Variants in THRB observed in about 807,000 individuals in gnomAD.
THRB encodes thyroid hormone receptor beta, also known as nuclear receptor subfamily 1 group A member 2.
In THRB, 12 loss-of-function variants were observed where a neutral mutation model predicts 47.8. The ratio of observed to expected loss-of-function variants is 0.25; its 90% CI spans 0.16 to 0.41. THRB has a LOEUF of 0.41. Ranked by LOEUF, THRB falls within the 10% of genes least tolerant of loss-of-function variation. THRB has a pLI of 1.00. For missense variants in THRB, 348 were observed against 589.2 expected (o/e 0.59, Z 4.24); for synonymous variants, 218 against 212.2 (o/e 1.03, Z -0.24).
chr3:24,394,440 T>C (rs2066801385), intron 1 of THRB, among the ~76,000 whole-genome samples: 1 of 152,104 alleles, frequency 6.6e-6, no homozygotes, highest in African/African-American at 2.4e-5. Context: ...GTTTCCCTAC[T>C]TCCTGGGGAA....
intron 3 of THRB, among the ~76,000 whole-genome samples, chr3:24,254,482 CA>C (rs1576335902): frequency 6.6e-6 from 1 of 151,924 alleles, no homozygotes; most frequent in Non-Finnish European, 1.5e-5. Flanking sequence ...AAGGTAGTCC[CA>C]AAAGAGTGGC....
At chr3:24,424,508 C>A (rs574816187) in intron 1 of THRB, among the ~76,000 whole-genome samples, 13 of 152,068 alleles carry the variant, frequency 8.5e-5, no homozygotes, top group African/African-American at 2.9e-4. Context: ...CCCAGACCTA[C>A]TGAATCAGAA....
At chr3:24,197,512 T>C (rs765808027) in intron 4 of THRB, among the ~76,000 whole-genome samples, 18 of 152,214 alleles carry the variant, frequency 1.2e-4, no homozygotes, top group Non-Finnish European at 1.8e-4. Flanking sequence ...ATGTAAATGG[T>C]ACATGCGCCC....
At chr3:24,282,922 C>A (rs931492734) in intron 3 of THRB, among the ~76,000 whole-genome samples, 1 of 151,892 alleles carries the variant, frequency 6.6e-6, no homozygotes, top group African/African-American at 2.4e-5. Context: ...ATAACAGGAT[C>A]TGAAATTGTG....
At chr3:24,233,202 A>C (rs1441489963) in intron 3 of THRB, among the ~76,000 whole-genome samples, 2 of 152,202 alleles carry the variant, frequency 1.3e-5, no homozygotes, top group Admixed American at 1.3e-4. Flanking sequence ...CTGAAAAGTA[A>C]ATGGAATTAT....
In THRB at chr3:24,278,360, T is replaced by G. The variant is rs149569435; in HGVS notation, c.-43+18866A>C. Among the ~76,000 whole-genome samples, 296 of 152,336 alleles carry G rather than the reference T, an allele frequency of 1.9e-3. 1 individual carries two copies. The highest frequency in any genetic ancestry group is 6.8e-3 in the African/African-American group (283 of 41,588). On this transcript the variant is annotated intron_variant, in intron 3 of 10. Coordinates refer to ENST00000646209, the MANE Select transcript of THRB (RefSeq NM_001354712.2). ...CAGTGTTAAAATTGGTAAGACTTGC[T>G]GAGAAGTTATGTAATATATTAAAAA...
chr3:24,418,158 C>T (rs988400954), intron 1 of THRB, among the ~76,000 whole-genome samples: 1 of 151,632 alleles, frequency 6.6e-6, no homozygotes, highest in Non-Finnish European at 1.5e-5. Context: ...TTCAACCTTT[C>T]AGCTCTTGTT....
intron 1 of THRB, among the ~76,000 whole-genome samples, chr3:24,450,906 T>C (rs2072584956): frequency 6.6e-6 from 1 of 152,234 alleles, no homozygotes; most frequent in South Asian, 2.1e-4. Context: ...GAATCCTTCA[T>C]AAATGTGCAT....
At chr3:24,170,588 A>G (rs7638048) in intron 5 of THRB, among the ~76,000 whole-genome samples, 3,646 of 152,274 alleles carry the variant, frequency 0.024, 151 homozygotes, top group African/African-American at 0.082. Context: ...TAGCATCCTT[A>G]TTATTCCTTG....
At chr3:24,375,875 C>T (rs1159610436) in intron 1 of THRB, among the ~76,000 whole-genome samples, 1 of 152,010 alleles carries the variant, frequency 6.6e-6, no homozygotes. Flanking sequence ...ATTGTTTCAA[C>T]AGATGACCAT....
intron 3 of THRB, 23 bp from the exon 4 acceptor site, chr3:24,229,024 A>C: frequency 7.5e-7 from 1 of 1,338,354 alleles, no homozygotes; most frequent in South Asian, 1.2e-5. Context: ...AATACAAAAA[A>C]AATCACAGAT....
At position 24,188,858 on chromosome 3, in the gene THRB, AATATATATAT is replaced by A. The variant is rs34740399; in HGVS notation, c.283+1206_283+1215del. On this transcript the variant is annotated intron_variant, in intron 5 of 10. Coordinates refer to ENST00000646209, the MANE Select transcript of THRB (RefSeq NM_001354712.2). ...CCTTTCAATTTCTCAGATCTCCTCA[AATATATATAT>A]ATATATATATATATATGAGAGAAAG... Among the ~76,000 whole-genome samples the A allele has an allele frequency of 6.2e-4, 58 of 94,306 alleles. 5 individuals are homozygous for A. Among genetic ancestry groups the A allele is most frequent in the Middle Eastern group, 5.4e-3 (1 of 184 alleles). The allele number at this position is 94,306 out of a possible 152,430, so 61.9% of individuals were successfully genotyped here.
At chr3:24,319,694 A>G (rs1478840656) in intron 2 of THRB, among the ~76,000 whole-genome samples, 2 of 152,244 alleles carry the variant, frequency 1.3e-5, no homozygotes, top group African/African-American at 2.4e-5. Context: ...ATGCTTTAGC[A>G]TGTGCATGTT....
At chr3:24,475,377 C>A (rs1406535782) in intron 1 of THRB, among the ~76,000 whole-genome samples, 5 of 151,890 alleles carry the variant, frequency 3.3e-5, no homozygotes, top group Non-Finnish European at 7.4e-5. Flanking sequence ...CAAGTGCTAC[C>A]ATTTGCAATA....
chr3:24,305,967 C>G (rs1255569989), intron 2 of THRB, among the ~76,000 whole-genome samples: 1 of 152,180 alleles, frequency 6.6e-6, no homozygotes, highest in Non-Finnish European at 1.5e-5. Flanking sequence ...CCCCAATGGG[C>G]TTCTAAAAGT....
At chr3:24,309,275 G>A (rs1226991180) in intron 2 of THRB, among the ~76,000 whole-genome samples, 1 of 152,094 alleles carries the variant, frequency 6.6e-6, no homozygotes, top group Non-Finnish European at 1.5e-5. Context: ...ACACATAACT[G>A]CAACAATAGT....
intron 3 of THRB, among the ~76,000 whole-genome samples, chr3:24,269,277 C>CCACACACACACACACACACACA (rs4024153): frequency 3.6e-5 from 5 of 140,686 alleles, no homozygotes; most frequent in African/African-American, 1.3e-4. Context: ...AATGGATACA[C>CCACACACACACACACACACACA]CACACACACA....
chr3:24,386,833 T>C (rs1402607727), intron 1 of THRB, among the ~76,000 whole-genome samples: 1 of 152,168 alleles, frequency 6.6e-6, no homozygotes, highest in Non-Finnish European at 1.5e-5. Flanking sequence ...AGTTTCTTCA[T>C]ATCTATACAA....
At chr3:24,366,627 T>TC (rs1382755883) in intron 1 of THRB, among the ~76,000 whole-genome samples, 1 of 149,028 alleles carries the variant, frequency 6.7e-6, no homozygotes, top group East Asian at 2.0e-4. Context: ...CTCACTTTTT[T>TC]TTTTTTTTTT....
Sources: allele counts gnomAD v4.1 joint callset (sites outside exome capture counted in the v4.1 genomes callset), GRCh38; gene constraint gnomAD v4.1.1; transcripts MANE v1.5; gene names NCBI Gene and HGNC (gene_info 2026-07-23, HGNC 2026-07-21).